ZNF827: variants seen among roughly 807,000 people sequenced by gnomAD.
The protein encoded by ZNF827 is zinc finger protein 827.
ZNF827 carries 13 observed loss-of-function variants against 102.4 expected under a neutral mutation model. The ratio of observed to expected loss-of-function variants is 0.13; its 90% confidence interval spans 0.08 to 0.20. ZNF827 has a LOEUF of 0.20. Ranked by LOEUF, ZNF827 falls within the 10% of genes least tolerant of loss-of-function variation. ZNF827 has a pLI of 1.00. For synonymous variants in ZNF827, 523 were observed against 536.2 expected (o/e 0.98, Z 0.34); for missense variants, 1,103 against 1,344.4 (o/e 0.82, Z 2.81).
intron 2 of ZNF827, among the ~76,000 whole-genome samples, chr4:145,899,712 T>C (rs1281251555): frequency 6.6e-6 from 1 of 152,206 alleles, no homozygotes; most frequent in South Asian, 2.1e-4. Flanking sequence ...AAAGATTTTT[T>C]AAATAAAATT....
intron 2 of ZNF827, among the ~76,000 whole-genome samples, chr4:145,895,343 AC>A (rs370958718): frequency 6.6e-6 from 1 of 152,208 alleles, no homozygotes; most frequent in African/African-American, 2.4e-5. Flanking sequence ...CAAATGTTTT[AC>A]AGAGTACATT....
Position 145,869,363 on chromosome 4 carries a change from CTT to C in ZNF827, c.1981+880_1981+881del, listed in dbSNP as rs1748486108. ...TTAAAGGAGTCTCTCTAATGCATTT[CTT>C]GCTTTCATTCTCCAAGCACAGCAAG... On this transcript the variant is annotated intron_variant, in intron 5 of 14. Transcript: ENST00000508784. 2.6e-5 allele frequency among the ~76,000 whole-genome samples: 4 copies of C among 152,326 alleles called. No homozygotes were observed. The South Asian group carries it at 8.3e-4, about 32-fold the overall frequency.
At chr4:145,936,513 G>A (rs538821043) in intron 1 of ZNF827, among the ~76,000 whole-genome samples, 3 of 152,242 alleles carry the variant, frequency 2.0e-5, no homozygotes, top group East Asian at 3.9e-4. Flanking sequence ...TGCGTACCGG[G>A]AAGGGGAAAG....
intron 5 of ZNF827, among the ~76,000 whole-genome samples, chr4:145,858,149 G>A (rs1579395215): frequency 2.0e-5 from 3 of 150,532 alleles, no homozygotes; most frequent in Admixed American, 6.6e-5. Flanking sequence ...GTGTGTGTGT[G>A]TGTGTGTGTG....
In ZNF827 at chr4:145,796,338, G is replaced by A. The variant is rs530844028; in HGVS notation, c.2384-16827C>T. ...AAAATATCTCTGGAAGGATGTACAC[G>A]AAACTGGGAACACTGGGAAGGGTGA... is the stretch of plus-strand genomic sequence containing the variant. On this transcript the variant is annotated intron_variant, in intron 8 of 14. Transcript: ENST00000508784. Among the ~76,000 whole-genome samples the A allele has an allele frequency of 4.1e-4, 62 of 152,326 alleles. 1 individual carries two copies. Among genetic ancestry groups the A allele is most frequent in the Admixed American group, 3.6e-3 (55 of 15,296 alleles).
intron 4 of ZNF827, among the ~76,000 whole-genome samples, chr4:145,878,879 G>A (rs1035687539): frequency 2.0e-4 from 30 of 152,068 alleles, no homozygotes; most frequent in Non-Finnish European, 5.9e-5. Context: ...ATGGGTGGGG[G>A]CAGTGCTGGG....
chr4:145,920,981 G>A (rs1319153166), intron 1 of ZNF827, among the ~76,000 whole-genome samples: 1 of 152,172 alleles, frequency 6.6e-6, no homozygotes, highest in Non-Finnish European at 1.5e-5. Context: ...GACTAGTAAG[G>A]AAGTATACTA....
chr4:145,907,318 T>G (rs1751948924), intron 1 of ZNF827: 2 of 417,796 alleles, frequency 4.8e-6, no homozygotes, highest in South Asian at 1.7e-5. Flanking sequence ...CTGCAGAGTG[T>G]ACGACAACCT....
At chr4:145,862,247 G>A (rs112928921) in intron 5 of ZNF827, among the ~76,000 whole-genome samples, 75 of 152,336 alleles carry the variant, frequency 4.9e-4, no homozygotes, top group African/African-American at 1.7e-3. Context: ...CAAGTTCCAG[G>A]GCTGGCTGCA....
chr4:145,780,732 G>T (rs1463989536), intron 8 of ZNF827, among the ~76,000 whole-genome samples: 2 of 152,200 alleles, frequency 1.3e-5, no homozygotes, highest in African/African-American at 4.8e-5. Flanking sequence ...CCACTGATAG[G>T]CTTTTCACCT....
At chr4:145,841,438 C>T (rs756525550) in intron 7 of ZNF827, among the ~76,000 whole-genome samples, 2 of 152,126 alleles carry the variant, frequency 1.3e-5, no homozygotes, top group African/African-American at 2.4e-5. Context: ...CCTGTAGAAC[C>T]TAGGCTTGTG....
chr4:145,765,794 T>C lies in ZNF827; in HGVS notation c.2861-56A>G. On this transcript the variant is annotated intron_variant, in intron 11 of 14. Transcript: ENST00000508784. This position sits in a 1 kb window ranked among gnomAD's most constrained non-coding sequence, Gnocchi z 4.7. ...AATGAGATGAAAATCCTCAGAATTA[T>C]AGCAACTGAGGGTGACGAGTTGAGT... The C allele has an allele frequency of 1.3e-6, 2 of 1,553,536 alleles. No homozygotes were observed. The highest frequency in any genetic ancestry group is 1.2e-5 in the South Asian group (1 of 83,514).
intron 8 of ZNF827, among the ~76,000 whole-genome samples, chr4:145,787,313 A>G (rs572383435): frequency 3.3e-5 from 5 of 152,104 alleles, no homozygotes; most frequent in African/African-American, 1.2e-4. Context: ...AAATACACAA[A>G]TTAGCTGAGC....
Position 145,775,701 on chromosome 4 carries a change from C to T in ZNF827, c.2693+88G>A, listed in dbSNP as rs141212257. The T allele has an allele frequency of 5.5e-4, 830 of 1,503,608 alleles. 1 individual carries two copies. In the African/African-American group the frequency reaches 6.7e-3, roughly 12 times the overall value. The allele number at this position is 1,503,608 out of a possible 1,614,324, so 93.1% of individuals were successfully genotyped here. The stretch of plus-strand genomic sequence containing the variant: ...AGGCTATGACTGAGAAAAGGGGCCT[C>T]GTGATGTATGCCCACAGCAGACAGG... On this transcript the variant is annotated intron_variant, in intron 10 of 14. Coordinates refer to ENST00000508784, the MANE Select transcript of ZNF827 (RefSeq NM_001306215.2).
intron 4 of ZNF827, chr4:145,876,718 C>G (rs1749180037): frequency 6.6e-6 from 1 of 152,176 alleles, no homozygotes; most frequent in Non-Finnish European, 1.5e-5. Context: ...AAGTAGTTGA[C>G]ACAGAATTAC....
In ZNF827 at chr4:145,938,470, G is replaced by A. The variant is rs934894174; in HGVS notation, c.-63C>T. ...TGAGATCAAATAAACCCCCGTGGGG[G>A]CAGAGAGGCAGACACTGGCAGGAGC... On this transcript the variant is annotated 5_prime_UTR_variant, in exon 1 of 15. Transcript: ENST00000508784. 2 of 1,320,646 alleles carry A rather than the reference G, an allele frequency of 1.5e-6. No individual in the cohort carries two copies. The highest frequency in any genetic ancestry group is 3.1e-5 in the African/African-American group (2 of 64,346). 81.8% of individuals were successfully genotyped at this position (1,320,646 alleles called of 1,614,324 possible).
Position 145,938,544 on chromosome 4 carries a change from C to T in ZNF827, c.-137G>A, listed in dbSNP as rs550376489. ...GGGCGGGCAGGGGGAAACCCCTTCT[C>T]CGGTGTGTGCAATGGGTTGAAGCTT... On this transcript the variant is annotated 5_prime_UTR_variant, in exon 1 of 15. Coordinates refer to ENST00000508784, the MANE Select transcript of ZNF827 (RefSeq NM_001306215.2). 3.3e-3 allele frequency: 2,078 copies of T among 635,164 alleles called. 17 individuals are homozygous for T. Among genetic ancestry groups the T allele is most frequent in the Admixed American group, 5.2e-3 (234 of 45,140 alleles). The allele number at this position is 635,164 out of a possible 1,614,324, so 39.3% of individuals were successfully genotyped here.
chr4:145,800,064 A>T (rs1208457102), intron 8 of ZNF827, among the ~76,000 whole-genome samples: 1 of 152,178 alleles, frequency 6.6e-6, no homozygotes, highest in Non-Finnish European at 1.5e-5. Context: ...TTTCATGTAA[A>T]GTATGCTTAG....
intron 9 of ZNF827, among the ~76,000 whole-genome samples, chr4:145,777,521 T>A (rs1737308492): frequency 6.6e-6 from 1 of 152,228 alleles, no homozygotes; most frequent in Non-Finnish European, 1.5e-5. Context: ...TCAATTTTAG[T>A]CATTCTGTTT....
Sources: gnomAD v4.1 joint callset for allele counts (sites outside exome capture counted in the v4.1 genomes callset) on GRCh38, gnomAD v4.1.1 for gene constraint, Gnocchi (gnomAD v3.1) non-coding constraint, MANE v1.5 for transcripts, NCBI Gene and HGNC (gene_info 2026-07-23, HGNC 2026-07-21) for gene names.